The following RASAL2 variants were observed in gnomAD, a reference collection of about 807,000 sequenced individuals.
RASAL2 encodes RAS protein activator like 2, also known as ras GTPase-activating protein nGAP.
Under a neutral mutation model 128.9 loss-of-function variants are expected in RASAL2, and 58 were observed. The observed-to-expected ratio is 0.45, with a 90% CI of 0.36 to 0.56. The LOEUF (loss-of-function observed/expected upper bound fraction) is 0.56, where lower values mean the gene tolerates loss of function less well. RASAL2 is among the 20% of genes least tolerant of loss of function. The probability of loss-of-function intolerance (pLI) is 0.00; values close to 1 mark genes in which losing one functional copy is unlikely to be tolerated. For missense variants in RASAL2, 1,360 were observed against 1,601.6 expected (o/e 0.85, Z 2.57); for synonymous variants, 561 against 580.8 (o/e 0.97, Z 0.49).
chr1:178,440,274 A>G (rs1360264427), intron 6 of RASAL2, among the ~76,000 whole-genome samples: 1 of 152,024 alleles, frequency 6.6e-6, no homozygotes, highest in Non-Finnish European at 1.5e-5. Context: ...GTGACTACAG[A>G]TGAGTCCTAT....
chr1:178,320,383 T>G (rs1668704861), intron 3 of RASAL2, among the ~76,000 whole-genome samples: 2 of 152,274 alleles, frequency 1.3e-5, no homozygotes, highest in South Asian at 4.1e-4. Flanking sequence ...GTGGGCACCC[T>G]CCCCCAGCCT....
rs117162860 is a variant in RASAL2 at position 178,304,221 on chromosome 1, G to C, written c.457+4103G>C. On this transcript the variant is annotated intron_variant, in intron 3 of 17. Coordinates refer to ENST00000367649, the MANE Select transcript of RASAL2 (RefSeq NM_170692.4). ...ATGCTACCAAAAGGGCCACTAGGAT[G>C]AGGACTAACGAAAATCATTAGGCCA... Among the ~76,000 whole-genome samples, 7 of 152,200 alleles carry C rather than the reference G, an allele frequency of 4.6e-5. No individual in the cohort carries two copies. The East Asian group carries it at 1.2e-3, about 25-fold the overall frequency.
At position 178,425,396 on chromosome 1, in the gene RASAL2, C is replaced by T. The variant is rs966672902; in HGVS notation, c.674+4776C>T. 3.3e-5 allele frequency among the ~76,000 whole-genome samples: 5 copies of T among 151,952 alleles called. 1 individual carries two copies. In the South Asian group the frequency reaches 1.0e-3, roughly 32 times the overall value. ...TTAATATGAGAAACAAATATGAACT[C>T]CATCTTTAATGAAACTAGGAAAAAT... On this transcript the variant is annotated intron_variant, in intron 5 of 17. Transcript: ENST00000367649.
chr1:178,328,232 T>C (rs1669128242), intron 3 of RASAL2, among the ~76,000 whole-genome samples: 1 of 151,930 alleles, frequency 6.6e-6, no homozygotes, highest in Admixed American at 6.5e-5. Context: ...TAATTGTGAG[T>C]CTCTTATTCC....
At chr1:178,464,520 C>A in intron 15 of RASAL2, 108 bp downstream of exon 15, 1 of 1,297,338 alleles carries the variant, frequency 7.7e-7, no homozygotes, top group Non-Finnish European at 1.1e-6. Context: ...TTCACCTCTA[C>A]CCCTTATGTT....
At chr1:178,159,050 A>G (rs1293414245) in intron 1 of RASAL2, among the ~76,000 whole-genome samples, 1 of 152,222 alleles carries the variant, frequency 6.6e-6, no homozygotes, top group Non-Finnish European at 1.5e-5. Flanking sequence ...CTTTGGAACC[A>G]ATAAAGTAAA....
chr1:178,342,986 T>G (rs1669964243), intron 3 of RASAL2, among the ~76,000 whole-genome samples: 1 of 152,188 alleles, frequency 6.6e-6, no homozygotes, highest in East Asian at 1.9e-4. Context: ...GTTGCTGCCC[T>G]TTCCATTTTT....
chr1:178,415,240 C>T (rs1294198415), intron 4 of RASAL2, among the ~76,000 whole-genome samples: 1 of 151,966 alleles, frequency 6.6e-6, no homozygotes, highest in Non-Finnish European at 1.5e-5. Context: ...TTACTGCATA[C>T]CACAAAATTT....
Position 178,283,678 on chromosome 1 carries a change from A to G in RASAL2, c.317A>G (p.Asn106Ser). ...ILTDSQLVLL[N>S]KEKEIPVEGG... ...ACAGACAGCCAGTTGGTATTGCTCAACAAGGAGAAGGAGGTGAGATGGATA... is the reference window on the plus strand; with the variant it reads ...ACAGACAGCCAGTTGGTATTGCTCAGCAAGGAGAAGGAGGTGAGATGGATA... Residue 106 changes from asparagine (N) to serine (S), a missense_variant, in exon 2 of 18, where the codon AAC becomes AGC. Asn to Ser is a conservative substitution (Grantham distance 46, BLOSUM62 1). Coordinates refer to ENST00000367649, the MANE Select transcript of RASAL2 (RefSeq NM_170692.4). 6.2e-7 allele frequency: 1 copy of G among 1,613,770 alleles called. No individual in the cohort carries two copies.
intron 1 of RASAL2, among the ~76,000 whole-genome samples, chr1:178,112,520 C>T (rs560349404): frequency 3.3e-5 from 5 of 151,448 alleles, no homozygotes; most frequent in East Asian, 3.9e-4. Flanking sequence ...ACTGCACTCC[C>T]GCCTGGGTGA....
chr1:178,263,051 T>C (rs1665774644), intron 1 of RASAL2, among the ~76,000 whole-genome samples: 1 of 152,176 alleles, frequency 6.6e-6, no homozygotes, highest in Non-Finnish European at 1.5e-5. Context: ...GATGGAAATA[T>C]GTTTTTGTTA....
At chr1:178,142,986 A>G (rs540230524) in intron 1 of RASAL2, among the ~76,000 whole-genome samples, 2 of 151,924 alleles carry the variant, frequency 1.3e-5, no homozygotes, top group African/African-American at 4.8e-5. Flanking sequence ...GAGCTTAGTG[A>G]TAAGGCAGGG....
chr1:178,446,808 A>C (rs991740651), intron 9 of RASAL2, among the ~76,000 whole-genome samples: 1 of 152,208 alleles, frequency 6.6e-6, no homozygotes, highest in Non-Finnish European at 1.5e-5. Flanking sequence ...GAATTGTCAA[A>C]CTTTCTGTGT....
intron 2 of RASAL2, among the ~76,000 whole-genome samples, chr1:178,286,952 C>T (rs112189251): frequency 5.9e-5 from 9 of 152,126 alleles, no homozygotes; most frequent in African/African-American, 2.2e-4. Flanking sequence ...CTAATACCTT[C>T]TATCTTTCTA....
intron 1 of RASAL2, among the ~76,000 whole-genome samples, chr1:178,271,257 C>T (rs1666243085): frequency 1.3e-5 from 2 of 152,168 alleles, no homozygotes; most frequent in Admixed American, 1.3e-4. Context: ...GATTCTGTTA[C>T]TCAGGCCTGC....
chr1:178,125,130 T>C (rs10494511), intron 1 of RASAL2, among the ~76,000 whole-genome samples: 15,860 of 152,232 alleles, frequency 0.1, 850 homozygotes, highest in Middle Eastern at 0.13. Context: ...CTTGAAATGC[T>C]TCCTTTAATC....
chr1:178,194,850 A>G (rs1662608930), intron 1 of RASAL2: 1 of 152,242 alleles, frequency 6.6e-6, no homozygotes, highest in Non-Finnish European at 1.5e-5. Context: ...AAATGTAGAT[A>G]GTTTTGGTAT....
At chr1:178,299,815 A>G (rs1571810766) in intron 2 of RASAL2, among the ~76,000 whole-genome samples, 177 bp from the exon 3 acceptor site, 1 of 152,080 alleles carries the variant, frequency 6.6e-6, no homozygotes, top group African/African-American at 2.4e-5. Flanking sequence ...TTTAAAGGAA[A>G]GCTTACTGTG....
At chr1:178,432,084 A>AT (rs1237439681) in intron 5 of RASAL2, among the ~76,000 whole-genome samples, 1 of 151,424 alleles carries the variant, frequency 6.6e-6, no homozygotes, top group Non-Finnish European at 1.5e-5. Context: ...AACTCCTGGA[A>AT]TTTTTTACCA....
Sources: allele counts gnomAD v4.1 joint callset (sites outside exome capture counted in the v4.1 genomes callset), GRCh38; gene constraint gnomAD v4.1.1; transcripts MANE v1.5; gene names NCBI Gene and HGNC (gene_info 2026-07-23, HGNC 2026-07-21).